Variants in KCNT2 observed in about 807,000 individuals in gnomAD.
KCNT2 encodes potassium sodium-activated channel subfamily T member 2.
A neutral mutation model predicts 153.8 loss-of-function variants in KCNT2; 67 were observed. The ratio of observed to expected loss-of-function variants is 0.44; its 90% CI spans 0.36 to 0.53. The LOEUF (loss-of-function observed/expected upper bound fraction) is 0.53. Among genes scored for constraint, KCNT2 ranks in the 20% least tolerant of loss-of-function variants. The pLI is 0.00. For synonymous variants in KCNT2, 500 were observed against 458.8 expected, an observed-to-expected ratio of 1.09 and a Z score of -1.15; for missense variants, 975 against 1,354.8, an observed-to-expected ratio of 0.72 and a Z score of 4.40.
At chr1:196,249,112 TA>T (rs370845355) in intron 26 of KCNT2, among the ~76,000 whole-genome samples, 8,399 of 150,882 alleles carry the variant, frequency 0.056, 300 homozygotes, top group Non-Finnish European at 0.072. Context: ...CTTTCATGAT[TA>T]AAAAAAAACT....
intron 13 of KCNT2, among the ~76,000 whole-genome samples, chr1:196,378,236 CCTT>C (rs778308945): frequency 2.6e-5 from 4 of 152,110 alleles, no homozygotes; most frequent in South Asian, 4.1e-4. Flanking sequence ...CTGTGCATTT[CCTT>C]CTTCTGTTTT....
At chr1:196,307,513 C>T (rs1661746212) in intron 21 of KCNT2, among the ~76,000 whole-genome samples, 1 of 152,070 alleles carries the variant, frequency 6.6e-6, no homozygotes, top group South Asian at 2.1e-4. Context: ...CTTAGCTCTC[C>T]TAATAAATCA....
chr1:196,289,587 C>T (rs777267242), intron 22 of KCNT2, among the ~76,000 whole-genome samples: 1 of 151,990 alleles, frequency 6.6e-6, no homozygotes, highest in African/African-American at 2.4e-5. Context: ...AAGAAACAAA[C>T]GTTCGAGGTT....
chr1:196,538,248 C>T (rs1000053798), intron 1 of KCNT2, among the ~76,000 whole-genome samples: 4 of 152,026 alleles, frequency 2.6e-5, no homozygotes, highest in Non-Finnish European at 4.4e-5. Flanking sequence ...CGAAGGCCAC[C>T]GGAGCAATAT....
intron 1 of KCNT2, among the ~76,000 whole-genome samples, chr1:196,533,846 G>C (rs1655235115): frequency 6.6e-6 from 1 of 152,024 alleles, no homozygotes; most frequent in Non-Finnish European, 1.5e-5. Context: ...TGGAATAAGT[G>C]CTCTGAATGG....
intron 23 of KCNT2, among the ~76,000 whole-genome samples, chr1:196,284,715 A>G (rs1659497786): frequency 6.6e-6 from 1 of 152,124 alleles, no homozygotes; most frequent in South Asian, 2.1e-4. Flanking sequence ...TAATAGGGGT[A>G]TTTATTCTAC....
intron 1 of KCNT2, among the ~76,000 whole-genome samples, chr1:196,505,433 A>G (rs1048411294): frequency 5.9e-5 from 9 of 151,478 alleles, no homozygotes; most frequent in African/African-American, 1.5e-4. Flanking sequence ...GTTCTGTTCC[A>G]TTGATCTATA....
intron 14 of KCNT2, among the ~76,000 whole-genome samples, chr1:196,363,492 A>T (rs1667790770): frequency 6.6e-6 from 1 of 152,094 alleles, no homozygotes. Flanking sequence ...CCTAAAGTTC[A>T]TGTGTTGGAA....
intron 1 of KCNT2, among the ~76,000 whole-genome samples, chr1:196,520,088 T>TATCAATAAGCTA (rs1653146693): frequency 6.6e-6 from 1 of 152,030 alleles, no homozygotes; most frequent in Non-Finnish European, 1.5e-5. Flanking sequence ...TCCAGCAGCA[T>TATCAATAAGCTA]ATCAATAAGC....
At chr1:196,289,942 C>T (rs1660032913) in intron 22 of KCNT2, among the ~76,000 whole-genome samples, 1 of 151,758 alleles carries the variant, frequency 6.6e-6, no homozygotes, top group Non-Finnish European at 1.5e-5. Context: ...CCTACTTTTC[C>T]ATTTGTTTTA....
intron 1 of KCNT2, among the ~76,000 whole-genome samples, chr1:196,575,541 C>T (rs1019071127): frequency 4.0e-5 from 6 of 151,554 alleles, no homozygotes; most frequent in South Asian, 4.2e-4. Flanking sequence ...AGACATTCAT[C>T]GTGCAAACCA....
intron 8 of KCNT2, among the ~76,000 whole-genome samples, chr1:196,433,892 A>G (rs1216324260): frequency 6.6e-6 from 1 of 152,026 alleles, no homozygotes; most frequent in East Asian, 1.9e-4. Flanking sequence ...GTATCAAGAG[A>G]CAGAAGAGAG....
chr1:196,518,288 C>T (rs1313927090), intron 1 of KCNT2, among the ~76,000 whole-genome samples: 3 of 151,908 alleles, frequency 2.0e-5, no homozygotes, highest in South Asian at 2.1e-4. Flanking sequence ...AAGCCAAAAC[C>T]ATTACCAGCT....
chr1:196,402,337 T>C (rs534146796), intron 12 of KCNT2, among the ~76,000 whole-genome samples: 56 of 151,800 alleles, frequency 3.7e-4, no homozygotes, highest in Non-Finnish European at 6.5e-4. Context: ...CAATTTATAA[T>C]ATTGTTTAGT....
intron 14 of KCNT2, 152 bp from the exon 15 acceptor site, chr1:196,342,380 G>C: frequency 2.4e-6 from 1 of 416,564 alleles, no homozygotes; most frequent in Non-Finnish European, 4.0e-6. Flanking sequence ...GAAGTCTGAA[G>C]ATGACATTAT....
At chr1:196,358,345 T>C (rs921604729) in intron 14 of KCNT2, among the ~76,000 whole-genome samples, 1 of 151,852 alleles carries the variant, frequency 6.6e-6, no homozygotes, top group African/African-American at 2.4e-5. Context: ...GAATAATAAT[T>C]ATCATTATTT....
At chr1:196,447,886 C>A (rs905805907) in intron 8 of KCNT2, among the ~76,000 whole-genome samples, 1 of 150,896 alleles carries the variant, frequency 6.6e-6, no homozygotes, top group Non-Finnish European at 1.5e-5. Flanking sequence ...AGAAGTCAGG[C>A]CACCGAGAGC....
intron 17 of KCNT2, among the ~76,000 whole-genome samples, chr1:196,333,273 G>A (rs1432104173): frequency 1.3e-5 from 2 of 151,924 alleles, no homozygotes; most frequent in African/African-American, 4.8e-5. Context: ...AAACTCTACT[G>A]CAAGCTACAA....
intron 1 of KCNT2, among the ~76,000 whole-genome samples, chr1:196,556,462 G>C (rs574030263): frequency 2.0e-5 from 3 of 151,302 alleles, no homozygotes; most frequent in Non-Finnish European, 3.0e-5. Context: ...CCTCTCACCC[G>C]AGTTAAAATG....
Sources: gnomAD v4.1 joint callset for allele counts (sites outside exome capture counted in the v4.1 genomes callset) on GRCh38, gnomAD v4.1.1 for gene constraint, MANE v1.5 for transcripts, NCBI Gene and HGNC (gene_info 2026-07-23, HGNC 2026-07-21) for gene names.